FRMD6: variants seen among roughly 807,000 people sequenced by gnomAD.
FRMD6 encodes FERM domain-containing protein 6.
Under a neutral mutation model 73.2 loss-of-function variants are expected in FRMD6, and 37 were observed. The ratio of observed to expected loss-of-function variants is 0.51; its 90% CI spans 0.39 to 0.66. The LOEUF (loss-of-function observed/expected upper bound fraction) is 0.66, where lower values mean the gene tolerates loss of function less well. Ranked by LOEUF, FRMD6 falls within the 30% of genes least tolerant of loss-of-function variation. The pLI is 0.00. For synonymous variants in FRMD6, 273 were observed against 282.2 expected (o/e 0.97, Z 0.33); for missense variants, 714 against 780.5 (o/e 0.91, Z 1.02).
the FRMD6 span, among the ~76,000 whole-genome samples, chr14:51,426,799 G>C: frequency 1.3e-5 from 2 of 152,112 alleles, no homozygotes; most frequent in Non-Finnish European, 2.9e-5. Flanking sequence ...TTCCTTATTA[G>C]ACCTTGAAGT....
rs766871200 is a variant in FRMD6 at position 51,720,246 on chromosome 14, A to C, written c.1216A>C (p.Thr406Pro). 1 of 1,613,912 alleles carries C rather than the reference A, an allele frequency of 6.2e-7. No individual in the cohort carries two copies. The highest frequency in any genetic ancestry group is 1.1e-5 in the South Asian group (1 of 91,072). The change falls in exon 11 of 14, where the codon ACG (threonine) becomes CCG (proline). Residue 406 changes from threonine to proline, a missense_variant. Physicochemically the swap from Thr to Pro is conservative, Grantham distance 38. Coordinates refer to ENST00000344768, the MANE Select transcript of FRMD6 (RefSeq NM_001267046.2). Reference sequence around the variant, plus strand: ...TGAGGCAGACACCAAGCCCCGGGACACGGGGCCAGAAGACAGCTACTCCAG... The same window carrying C: ...TGAGGCAGACACCAAGCCCCGGGACCCGGGGCCAGAAGACAGCTACTCCAG... Reference protein sequence around the residue: ...GIEADTKPRDTGPEDSYSSSA... With the variant: ...GIEADTKPRDPGPEDSYSSSA...
At chr14:51,666,014 G>C (rs1333802832) in intron 1 of FRMD6, among the ~76,000 whole-genome samples, 2 of 152,170 alleles carry the variant, frequency 1.3e-5, no homozygotes, top group African/African-American at 4.8e-5. Flanking sequence ...CATGAAAATG[G>C]ACTAATACTC....
At chr14:51,454,491 C>T in the FRMD6 span, 15 of 152,182 alleles carry the variant, frequency 9.9e-5, no homozygotes, top group South Asian at 1.0e-3. Context: ...AATTTCCTGG[C>T]AGATGAACCA....
intron 1 of FRMD6, among the ~76,000 whole-genome samples, chr14:51,550,889 A>G (rs1405919361): frequency 1.3e-5 from 2 of 152,150 alleles, no homozygotes; most frequent in Non-Finnish European, 2.9e-5. Flanking sequence ...TGTCACATAA[A>G]ACGTGCATAA....
chr14:51,557,974 A>C (rs1436251333), intron 1 of FRMD6, among the ~76,000 whole-genome samples: 2 of 152,098 alleles, frequency 1.3e-5, no homozygotes, highest in East Asian at 3.9e-4. Context: ...AGTTAAAAAA[A>C]AAAGACAATT....
chr14:51,506,754 A>T (rs1883985497), intron 1 of FRMD6, among the ~76,000 whole-genome samples: 1 of 152,220 alleles, frequency 6.6e-6, no homozygotes, highest in African/African-American at 2.4e-5. Flanking sequence ...TTATATCAAT[A>T]ACCTAGTGAC....
At chr14:51,455,051 T>C in the FRMD6 span, among the ~76,000 whole-genome samples, 1 of 152,048 alleles carries the variant, frequency 6.6e-6, no homozygotes, top group African/African-American at 2.4e-5. Context: ...AGGTAGTCTG[T>C]TGAGAGAGAG....
chr14:51,475,112 C>T, the FRMD6 span, among the ~76,000 whole-genome samples: 2 of 152,158 alleles, frequency 1.3e-5, no homozygotes, highest in Non-Finnish European at 2.9e-5. Context: ...CCAAGACATG[C>T]TCTCTCTCTT....
At chr14:51,528,794 C>T (rs575899521) in intron 1 of FRMD6, among the ~76,000 whole-genome samples, 62 of 152,262 alleles carry the variant, frequency 4.1e-4, no homozygotes, top group Admixed American at 7.8e-4. Flanking sequence ...GAACCATGTC[C>T]GTGCAGAGAA....
chr14:51,495,461 A>G (rs1369073473), intron 1 of FRMD6, among the ~76,000 whole-genome samples: 6 of 152,252 alleles, frequency 3.9e-5, no homozygotes, highest in Non-Finnish European at 8.8e-5. Context: ...ACTGAGTCAA[A>G]TAGAATGACA....
the FRMD6 span, among the ~76,000 whole-genome samples, chr14:51,456,306 C>G: frequency 1.3e-5 from 2 of 152,150 alleles, no homozygotes; most frequent in Non-Finnish European, 2.9e-5. Flanking sequence ...CCCCTAGCCC[C>G]TCGCCCCCTG....
At chr14:51,524,435 G>C (rs974894325) in intron 1 of FRMD6, among the ~76,000 whole-genome samples, 2 of 152,034 alleles carry the variant, frequency 1.3e-5, no homozygotes, top group African/African-American at 2.4e-5. Context: ...TTTGCGGGGA[G>C]CGGGACCTCT....
chr14:51,584,794 A>G (rs1042638294), intron 2 of FRMD6, among the ~76,000 whole-genome samples: 1 of 152,108 alleles, frequency 6.6e-6, no homozygotes, highest in Non-Finnish European at 1.5e-5. Context: ...GAGTCTGTAA[A>G]TTATAGTGGT....
At chr14:51,607,975 T>C (rs772820246) in intron 2 of FRMD6, among the ~76,000 whole-genome samples, 6 of 152,212 alleles carry the variant, frequency 3.9e-5, no homozygotes, top group Non-Finnish European at 8.8e-5. Flanking sequence ...CGGAGTCGTC[T>C]TACTGTAATT....
At chr14:51,511,085 A>G (rs1388060119) in intron 1 of FRMD6, among the ~76,000 whole-genome samples, 2 of 152,102 alleles carry the variant, frequency 1.3e-5, no homozygotes, top group East Asian at 3.8e-4. Flanking sequence ...CTCTCTAAGT[A>G]GTCCCACTGC....
At chr14:51,590,438 A>G (rs1889327710) in intron 2 of FRMD6, among the ~76,000 whole-genome samples, 1 of 152,136 alleles carries the variant, frequency 6.6e-6, no homozygotes, top group Admixed American at 6.6e-5. Context: ...GTGTTCCTCT[A>G]AAGCTTGTAA....
chr14:51,464,561 G>C, the FRMD6 span, among the ~76,000 whole-genome samples: 1 of 152,180 alleles, frequency 6.6e-6, no homozygotes, highest in East Asian at 1.9e-4. Context: ...GGATGGGGTA[G>C]AGCTGAGAAC....
intron 2 of FRMD6, among the ~76,000 whole-genome samples, chr14:51,606,664 C>CA (rs1890270193): frequency 6.6e-6 from 1 of 152,078 alleles, no homozygotes; most frequent in Admixed American, 6.5e-5. Context: ...GAGACAGAGC[C>CA]AATAGGATAA....
chr14:51,398,179 T>G, the FRMD6 span, among the ~76,000 whole-genome samples: 1 of 152,210 alleles, frequency 6.6e-6, no homozygotes, highest in Non-Finnish European at 1.5e-5. Context: ...TAAGTGCATA[T>G]TTTGAAACTA....
Sources: gnomAD v4.1 joint callset for allele counts (sites outside exome capture counted in the v4.1 genomes callset) on GRCh38, gnomAD v4.1.1 for gene constraint, MANE v1.5 for transcripts, NCBI Gene and HGNC (gene_info 2026-07-23, HGNC 2026-07-21) for gene names.